Variants in KDM2B observed in about 807,000 individuals in gnomAD.
KDM2B encodes lysine-specific demethylase 2B.
In KDM2B, 26 loss-of-function variants were observed where a neutral mutation model predicts 150.0. The observed-to-expected ratio is 0.17, with a 90% CI of 0.13 to 0.24. The LOEUF (loss-of-function observed/expected upper bound fraction) is 0.24, where lower values mean the gene tolerates loss of function less well. Among genes scored for constraint, KDM2B ranks in the 10% least tolerant of loss-of-function variants. KDM2B has a pLI of 1.00. For synonymous variants in KDM2B, 734 were observed against 729.5 expected, an observed-to-expected ratio of 1.01 and a Z score of -0.10; for missense variants, 1,265 against 1,816.9, an observed-to-expected ratio of 0.70 and a Z score of 5.52.
chr12:121,566,890 T>TC (rs1555315068), intron 4 of KDM2B, among the ~76,000 whole-genome samples: 1 of 152,094 alleles, frequency 6.6e-6, no homozygotes, highest in Non-Finnish European at 1.5e-5. Flanking sequence ...AGTTTTTTTT[T>TC]CTTTTTTTTG....
intron 4 of KDM2B, among the ~76,000 whole-genome samples, chr12:121,567,585 A>T (rs1417572797): frequency 2.0e-5 from 3 of 152,148 alleles, no homozygotes; most frequent in African/African-American, 7.2e-5. Context: ...AGGGAAAACC[A>T]CATGAGGGCA....
chr12:121,474,341 C>T (rs907693125), intron 12 of KDM2B, among the ~76,000 whole-genome samples: 2 of 151,838 alleles, frequency 1.3e-5, no homozygotes, highest in African/African-American at 2.4e-5. Flanking sequence ...GTGAAAACCC[C>T]GTCCCTACTA....
intron 12 of KDM2B, among the ~76,000 whole-genome samples, chr12:121,489,964 C>G (rs918761764): frequency 6.6e-6 from 1 of 152,216 alleles, no homozygotes; most frequent in Non-Finnish European, 1.5e-5. Flanking sequence ...CCAGCCTCCT[C>G]CGCCTCAACT....
intron 4 of KDM2B, among the ~76,000 whole-genome samples, chr12:121,562,771 A>ACT (rs1420061773): frequency 3.3e-5 from 5 of 152,126 alleles, no homozygotes; most frequent in African/African-American, 1.2e-4. Flanking sequence ...TCCTGGCTCC[A>ACT]CTGCCTACCA....
chr12:121,434,920 GCACT>G (rs1252989842), intron 22 of KDM2B, among the ~76,000 whole-genome samples: 3 of 151,982 alleles, frequency 2.0e-5, no homozygotes, highest in Non-Finnish European at 4.4e-5. Flanking sequence ...TTGCACCACT[GCACT>G]CAAACCTGGG....
intron 8 of KDM2B, among the ~76,000 whole-genome samples, chr12:121,525,250 C>T (rs1434729159): frequency 1.3e-5 from 2 of 152,128 alleles, no homozygotes; most frequent in African/African-American, 4.8e-5. Context: ...GGGGATATTT[C>T]TTTTGTTGTT....
intron 12 of KDM2B, among the ~76,000 whole-genome samples, chr12:121,465,645 C>T (rs978938617): frequency 6.6e-6 from 1 of 152,122 alleles, no homozygotes; most frequent in Non-Finnish European, 1.5e-5. Context: ...TATCTACAGG[C>T]CATAGGGTAT....
chr12:121,475,027 G>A (rs782005234), intron 12 of KDM2B, among the ~76,000 whole-genome samples: 2 of 152,156 alleles, frequency 1.3e-5, no homozygotes, highest in Non-Finnish European at 2.9e-5. Context: ...GTAGCATGCT[G>A]TACAAGTTTG....
At position 121,513,723 on chromosome 12, in the gene KDM2B, A is replaced by G. The variant is rs571429504; in HGVS notation, c.1048-321T>C. Among the ~76,000 whole-genome samples, 1 of 151,906 alleles carries G rather than the reference A, an allele frequency of 6.6e-6. No individual in the cohort carries two copies. The highest frequency in any genetic ancestry group is 6.6e-5 in the Admixed American group (1 of 15,260). ...ATTCTCCCCTGACCTGCCTGCAGAGAGTGTGGGCACCTGCAGGTGGGAGCC... is the reference window on the plus strand; with the variant it reads ...ATTCTCCCCTGACCTGCCTGCAGAGGGTGTGGGCACCTGCAGGTGGGAGCC... On this transcript the variant is annotated intron_variant, in intron 9 of 22. Coordinates refer to ENST00000377071, the MANE Select transcript of KDM2B (RefSeq NM_032590.5). This position sits in a 1 kb window ranked among gnomAD's most constrained non-coding sequence, Gnocchi z 5.0.
chr12:121,410,545 C>CA, the KDM2B span, among the ~76,000 whole-genome samples: 123 of 137,726 alleles, frequency 8.9e-4, no homozygotes, highest in African/African-American at 1.2e-3. Context: ...TCAAAACCAC[C>CA]AAAAAAAAAA....
chr12:121,500,638 T>G (rs1475868354), intron 11 of KDM2B, among the ~76,000 whole-genome samples: 1 of 152,194 alleles, frequency 6.6e-6, no homozygotes, highest in Non-Finnish European at 1.5e-5. Context: ...GAGGCGCAGC[T>G]TGGGGAACTC....
At chr12:121,466,734 G>A (rs1403803452) in intron 12 of KDM2B, among the ~76,000 whole-genome samples, 1 of 149,562 alleles carries the variant, frequency 6.7e-6, no homozygotes, top group Non-Finnish European at 1.5e-5. Flanking sequence ...GAGGCAGGAG[G>A]TGCCGGCGCC....
At chr12:121,568,379 G>T (rs565171363) in intron 4 of KDM2B, among the ~76,000 whole-genome samples, 2 of 152,166 alleles carry the variant, frequency 1.3e-5, no homozygotes, top group East Asian at 3.9e-4. Context: ...AGAAACGCTT[G>T]AACCCAGGAG....
intron 10 of KDM2B, among the ~76,000 whole-genome samples, chr12:121,511,625 G>A (rs902566257): frequency 4.6e-5 from 7 of 152,176 alleles, no homozygotes; most frequent in African/African-American, 1.7e-4. Context: ...GCCCGGCCCC[G>A]GGTTTCTTTT....
At chr12:121,525,414 A>G (rs782345379) in intron 8 of KDM2B, among the ~76,000 whole-genome samples, 3 of 151,916 alleles carry the variant, frequency 2.0e-5, no homozygotes, top group Non-Finnish European at 4.4e-5. Flanking sequence ...TCACAGGCAC[A>G]CAAATTTTTA....
chr12:121,578,721 C>G, intron 2 of KDM2B, 81 bp downstream of exon 2: 1 of 1,016,982 alleles, frequency 9.8e-7, no homozygotes, highest in South Asian at 2.4e-5. Context: ...GCGCGAAATA[C>G]GAACCCAGCC....
chr12:121,425,154 G>A (rs538199690), downstream of KDM2B, among the ~76,000 whole-genome samples: 6 of 151,810 alleles, frequency 4.0e-5, no homozygotes, highest in Non-Finnish European at 5.9e-5. Flanking sequence ...CTAAAAATAC[G>A]AAAATTAGCT....
At chr12:121,514,330 G>A (rs1885850206) in intron 9 of KDM2B, among the ~76,000 whole-genome samples, 1 of 151,926 alleles carries the variant, frequency 6.6e-6, no homozygotes, top group Non-Finnish European at 1.5e-5. Flanking sequence ...GTTGCTGGTT[G>A]GCTGTTTATC....
intron 12 of KDM2B, among the ~76,000 whole-genome samples, chr12:121,491,122 C>T (rs1485353983): frequency 6.6e-6 from 1 of 152,252 alleles, no homozygotes; most frequent in East Asian, 1.9e-4. Flanking sequence ...ATAGCAGGGG[C>T]CTCCCTCCCC....
Sources: allele counts gnomAD v4.1 joint callset (sites outside exome capture counted in the v4.1 genomes callset), GRCh38; gene constraint gnomAD v4.1.1; non-coding constraint Gnocchi (gnomAD v3.1); transcripts MANE v1.5; gene names NCBI Gene and HGNC (gene_info 2026-07-23, HGNC 2026-07-21).